DCAF1: variants seen among roughly 807,000 people sequenced by gnomAD.
DCAF1 encodes DDB1- and CUL4-associated factor 1.
DCAF1 carries 15 observed loss-of-function variants against 128.0 expected under a neutral mutation model. The ratio of observed to expected loss-of-function variants is 0.12; its 90% CI spans 0.08 to 0.18. The LOEUF is 0.18. DCAF1 is among the 10% of genes least tolerant of loss of function. DCAF1 has a pLI of 1.00. For missense variants in DCAF1, 988 were observed against 1,649.5 expected, an observed-to-expected ratio of 0.60 and a Z score of 6.95; for synonymous variants, 610 against 603.0, an observed-to-expected ratio of 1.01 and a Z score of -0.17.
chr3:51,471,767 T>C (rs1201759342), intron 3 of DCAF1, among the ~76,000 whole-genome samples: 2 of 151,860 alleles, frequency 1.3e-5, no homozygotes, highest in Non-Finnish European at 2.9e-5. Context: ...GTAGGGAGGC[T>C]GAGGCAGGAG....
chr3:51,483,865 G>C, intron 2 of DCAF1, 29 bp from the exon 3 acceptor site: 1 of 1,472,688 alleles, frequency 6.8e-7, no homozygotes, highest in Non-Finnish European at 9.5e-7. Context: ...AAATAAAAAA[G>C]ACAACCAATA....
chr3:51,409,665 G>A (rs992397291), intron 23 of DCAF1, among the ~76,000 whole-genome samples: 1 of 152,160 alleles, frequency 6.6e-6, no homozygotes, highest in Non-Finnish European at 1.5e-5. Flanking sequence ...TGTAATGTAC[G>A]CGCAAATGGC....
At position 51,453,120 on chromosome 3, in the gene DCAF1, A is replaced by T. The variant is rs534739194; in HGVS notation, c.376-9217T>A. 7.9e-5 allele frequency among the ~76,000 whole-genome samples: 12 copies of T among 152,254 alleles called. No homozygotes were observed. In the East Asian group the frequency reaches 1.3e-3, roughly 17 times the overall value. ...ATTTTCAAAATAATCCATATTAAAA[A>T]TTTTTTACAAAGACAGATTCTTCTA... On this transcript the variant is annotated intron_variant, in intron 6 of 24. Coordinates refer to ENST00000684031, the MANE Select transcript of DCAF1 (RefSeq NM_001387579.1).
intron 9 of DCAF1, among the ~76,000 whole-genome samples, chr3:51,439,219 C>T (rs1351650217): frequency 1.3e-5 from 2 of 152,034 alleles, no homozygotes; most frequent in Non-Finnish European, 2.9e-5. Flanking sequence ...ACCTCCGCCT[C>T]CCGGGTTCAA....
At chr3:51,462,788 T>A (rs1703750323) in intron 6 of DCAF1, among the ~76,000 whole-genome samples, 1 of 147,922 alleles carries the variant, frequency 6.8e-6, no homozygotes, top group Non-Finnish European at 1.5e-5. Context: ...AAACAACAAG[T>A]ATTTGTCAAA....
Position 51,441,050 on chromosome 3 carries a change from G to C in DCAF1, c.1048C>G (p.Leu350Val). ...YQELLPIFMQ[L>V]GSRELMMFYI... ...AACATCATCAGCTCCCGTGATCCAA[G>C]TTGCATGAATATGGGAAGTAGCTGA... is the stretch of plus-strand genomic sequence containing the variant. Residue 350 changes from leucine to valine, a missense_variant, in exon 9 of 25, where the codon CTT (leucine) becomes GTT (valine). By Grantham distance (32) the Leu-to-Val change is conservative. This residue lies in a region of DCAF1 where 185 missense variants were observed against 248.1 expected (regional missense o/e 0.75). Transcript: ENST00000684031. The C allele has an allele frequency of 1.2e-6, 2 of 1,611,988 alleles. No homozygotes were observed. The highest frequency in any genetic ancestry group is 1.3e-5 in the African/African-American group (1 of 75,048).
chr3:51,484,429 C>T (rs1706668077), intron 2 of DCAF1, among the ~76,000 whole-genome samples: 1 of 151,828 alleles, frequency 6.6e-6, no homozygotes, highest in Admixed American at 6.6e-5. Flanking sequence ...GCCGAGATCA[C>T]ACCATTGCAC....
chr3:51,492,103 G>A (rs1329382395), intron 2 of DCAF1, among the ~76,000 whole-genome samples: 1 of 150,052 alleles, frequency 6.7e-6, no homozygotes, highest in African/African-American at 2.5e-5. Flanking sequence ...AAGTTGCAGT[G>A]AGCCGAGACT....
intron 1 of DCAF1, among the ~76,000 whole-genome samples, chr3:51,497,459 C>T (rs1196968104): frequency 3.3e-5 from 5 of 151,818 alleles, no homozygotes; most frequent in South Asian, 2.1e-4. Context: ...TGGTGGCACG[C>T]GCCTGTAGTC....
chr3:51,484,682 CTTTTTTTTTT>C (rs1228009412), intron 2 of DCAF1, among the ~76,000 whole-genome samples: 1 of 127,090 alleles, frequency 7.9e-6, no homozygotes, highest in African/African-American at 2.9e-5. Context: ...TTAATTTTTT[CTTTTTTTTTT>C]TTTTTTTTGA....
At chr3:51,453,801 A>C (rs1476240568) in intron 6 of DCAF1, among the ~76,000 whole-genome samples, 1 of 152,044 alleles carries the variant, frequency 6.6e-6, no homozygotes, top group Non-Finnish European at 1.5e-5. Context: ...AAAAATATAA[A>C]AATTAGCCAG....
chr3:51,407,405 T>G (rs1349307367), intron 23 of DCAF1, among the ~76,000 whole-genome samples: 1 of 152,160 alleles, frequency 6.6e-6, no homozygotes, highest in Non-Finnish European at 1.5e-5. Context: ...AATCAACACA[T>G]TCAGCTCTGA....
intron 6 of DCAF1, among the ~76,000 whole-genome samples, chr3:51,454,171 C>T (rs183620102): frequency 6.6e-6 from 1 of 152,232 alleles, no homozygotes; most frequent in Admixed American, 6.5e-5. Context: ...GCATTCCAAA[C>T]ATCTGGGACT....
chr3:51,437,043 C>G (rs1467348034), intron 9 of DCAF1, among the ~76,000 whole-genome samples: 2 of 151,310 alleles, frequency 1.3e-5, no homozygotes, highest in African/African-American at 4.9e-5. Flanking sequence ...CAGGCGGATC[C>G]CTTGAGGTCA....
chr3:51,417,869 T>C (rs782613777), intron 17 of DCAF1, among the ~76,000 whole-genome samples: 1 of 151,096 alleles, frequency 6.6e-6, no homozygotes, highest in Non-Finnish European at 1.5e-5. Flanking sequence ...TATGTGAACA[T>C]GGGAAAATAC....
chr3:51,443,699 T>A lies in DCAF1; in HGVS notation c.513+67A>T, dbSNP rs1553639545. ...ATCAATATGATCTACTTATTCAGAT[T>A]CAAGTAACAAGAACCTGTGAATACT... On this transcript the variant is annotated intron_variant, in intron 7 of 24. Transcript: ENST00000684031. The A allele has an allele frequency of 2.9e-6, 4 of 1,399,212 alleles. No homozygotes were observed. The African/African-American group carries it at 5.8e-5, about 20-fold the overall frequency. 86.7% of individuals were successfully genotyped at this position (1,399,212 alleles called of 1,614,324 possible). A position where few individuals can be genotyped will look rare whatever the true frequency, so the allele number is the denominator to read the frequency against.
intron 3 of DCAF1, among the ~76,000 whole-genome samples, chr3:51,471,515 T>C (rs1553648425): frequency 1.3e-5 from 2 of 151,920 alleles, no homozygotes; most frequent in African/African-American, 4.8e-5. Context: ...CTTTCCCTTC[T>C]TCAAAAAATA....
In DCAF1 at chr3:51,470,990, A is replaced by T; in HGVS notation, c.126T>A (p.Ile42=). The T allele has an allele frequency of 6.2e-7, 1 of 1,607,416 alleles. No homozygotes were observed. Among genetic ancestry groups the T allele is most frequent in the Non-Finnish European group, 8.5e-7 (1 of 1,175,722 alleles). The stretch of plus-strand genomic sequence containing the variant: ...TACGATACTCTTCAGTTTCTTTTTC[A>T]ATCAATTGAGACATCCTAGCACAAA... ...VPILTRMSQL[I]EKETEEYRKG... is the part of the protein sequence containing the mutation. The change falls in exon 4 of 25, where the codon ATT becomes ATA. Residue 42 remains isoleucine (I), a synonymous_variant. Transcript: ENST00000684031.
intron 20 of DCAF1, among the ~76,000 whole-genome samples, 200 bp downstream of exon 20, chr3:51,413,750 A>G (rs782310439): frequency 9.2e-5 from 14 of 152,218 alleles, no homozygotes; most frequent in Admixed American, 3.9e-4. Flanking sequence ...TTATCTTCAA[A>G]GTAAGCTGCC....
Sources: allele counts gnomAD v4.1 joint callset (sites outside exome capture counted in the v4.1 genomes callset), GRCh38; gene constraint gnomAD v4.1.1; regional missense constraint gnomAD v4.1.1; transcripts MANE v1.5; gene names NCBI Gene and HGNC (gene_info 2026-07-23, HGNC 2026-07-21).